The following EFCAB7 variants were observed in gnomAD, a reference collection of about 807,000 sequenced individuals.
The protein encoded by EFCAB7 is EF-hand calcium binding domain 7, also known as EF-hand calcium-binding domain-containing protein 7.
In EFCAB7, 66 loss-of-function variants were observed where a neutral mutation model predicts 77.1. The observed-to-expected ratio is 0.86, with a 90% CI of 0.70 to 1.05. EFCAB7 has a LOEUF of 1.05. Among genes scored for constraint, EFCAB7 ranks in the 50% least tolerant of loss-of-function variants. The pLI, the probability that EFCAB7 is intolerant of heterozygous loss-of-function variation, is 0.00. For missense variants in EFCAB7, 638 were observed against 730.5 expected (o/e 0.87, Z 1.46); for synonymous variants, 225 against 243.3 (o/e 0.92, Z 0.70).
rs869302346 is a variant in EFCAB7, at chr1:63,562,449, TTATATATATATATATATATATATA to T, written c.1497+615_1497+638del. 6.3e-3 allele frequency among the ~76,000 whole-genome samples: 141 copies of T among 22,488 alleles called. 5 individuals are homozygous for T. The highest frequency in any genetic ancestry group is 0.022 in the Admixed American group (29 of 1,332). The allele number at this position is 22,488 out of a possible 152,430, so 14.8% of individuals were successfully genotyped here. On this transcript the variant is annotated intron_variant, in intron 11 of 13. Coordinates refer to ENST00000371088, the MANE Select transcript of EFCAB7 (RefSeq NM_032437.4). The stretch of plus-strand genomic sequence containing the variant: ...TAAAAATTAGGCCTTCTTAATTTAT[TTATATATATATATATATATATATA>T]TATATATATATATATATATATAAAA...
At chr1:63,581,046 C>T in the EFCAB7 span, among the ~76,000 whole-genome samples, 1 of 151,950 alleles carries the variant, frequency 6.6e-6, no homozygotes, top group African/African-American at 2.4e-5. Flanking sequence ...CTTTCCTATC[C>T]ATATGCCTTT....
chr1:63,576,554 T>G (rs1647423533), downstream of EFCAB7, among the ~76,000 whole-genome samples: 1 of 150,896 alleles, frequency 6.6e-6, no homozygotes, highest in Non-Finnish European at 1.5e-5. Context: ...GTGCAGTGGC[T>G]CACGCCTGTA....
At chr1:63,524,239 C>A (rs563173944) in intron 1 of EFCAB7, among the ~76,000 whole-genome samples, 2 of 152,240 alleles carry the variant, frequency 1.3e-5, no homozygotes, top group East Asian at 3.9e-4. Context: ...TCCCTTACTT[C>A]TTGAAACAGT....
At position 63,561,687 on chromosome 1, in the gene EFCAB7, A is replaced by C. The variant is rs74972779; in HGVS notation, c.1349-22A>C. On this transcript the variant is annotated intron_variant, in intron 10 of 13. Transcript: ENST00000371088. Reference sequence around the variant, plus strand: ...ATGAATTTTTAAATTATGTAAGAAAAAACTTTTGGTTGTTTAAACAGAGAA... The same window carrying C: ...ATGAATTTTTAAATTATGTAAGAAACAACTTTTGGTTGTTTAAACAGAGAA... 6,131 of 1,527,542 alleles carry C rather than the reference A, an allele frequency of 4.0e-3. 217 individuals are homozygous for C. The African/African-American group carries it at 0.075, about 19-fold the overall frequency. The allele number at this position is 1,527,542 out of a possible 1,614,324, so 94.6% of individuals were successfully genotyped here.
intron 7 of EFCAB7, chr1:63,547,135 CT>C (rs1389200270): frequency 6.6e-6 from 1 of 152,080 alleles, no homozygotes; most frequent in Admixed American, 6.6e-5. Flanking sequence ...GCAGATGATA[CT>C]TTTAAATGAC....
At chr1:63,553,296 G>C (rs1225942779) in intron 8 of EFCAB7, among the ~76,000 whole-genome samples, 1 of 152,078 alleles carries the variant, frequency 6.6e-6, no homozygotes, top group Non-Finnish European at 1.5e-5. Context: ...AATTTCAAAG[G>C]TTATGCTTTT....
At chr1:63,545,134 G>T (rs1000701355) in intron 6 of EFCAB7, among the ~76,000 whole-genome samples, 1 of 151,408 alleles carries the variant, frequency 6.6e-6, no homozygotes, top group Non-Finnish European at 1.5e-5. Flanking sequence ...GGCCAGCCTG[G>T]TCTTGAACTC....
downstream of EFCAB7, among the ~76,000 whole-genome samples, chr1:63,572,886 G>A (rs904933521): frequency 3.9e-5 from 6 of 152,088 alleles, no homozygotes; most frequent in South Asian, 2.1e-4. Context: ...GTTCTCTGGC[G>A]GGCAGGGGCG....
At position 63,572,635 on chromosome 1, in the gene EFCAB7, C is replaced by T. The variant is rs1444747105; in HGVS notation, c.*119C>T. ...AATAATAATCTATTCAATTTATATGCATTTTCATTTTATGTCCATGGTATG... is the reference window on the plus strand; with the variant it reads ...AATAATAATCTATTCAATTTATATGTATTTTCATTTTATGTCCATGGTATG... On this transcript the variant is annotated 3_prime_UTR_variant, in exon 14 of 14. Transcript: ENST00000371088. 20 of 1,116,216 alleles carry T rather than the reference C, an allele frequency of 1.8e-5. No individual in the cohort carries two copies. The highest frequency in any genetic ancestry group is 2.3e-5 in the Non-Finnish European group (20 of 859,514). The allele number at this position is 1,116,216 out of a possible 1,614,324, so 69.1% of individuals were successfully genotyped here. A position where few individuals can be genotyped will look rare whatever the true frequency, so the allele number is the denominator to read the frequency against.
intron 11 of EFCAB7, among the ~76,000 whole-genome samples, chr1:63,564,279 A>C (rs74078271): frequency 0.017 from 2,529 of 152,274 alleles, 82 homozygotes; most frequent in African/African-American, 0.058. Flanking sequence ...TAGTAGGATA[A>C]AGAAAATAAG....
At chr1:63,562,445 TTATTTATA>T (rs1427696569) in intron 11 of EFCAB7, among the ~76,000 whole-genome samples, 2,118 of 70,178 alleles carry the variant, frequency 0.03, 24 homozygotes, top group East Asian at 0.056. Context: ...CCTTCTTAAT[TTATTTATA>T]TATATATATA....
chr1:63,584,276 C>T, the EFCAB7 span, among the ~76,000 whole-genome samples: 2 of 152,116 alleles, frequency 1.3e-5, no homozygotes, highest in African/African-American at 4.8e-5. Flanking sequence ...TACAGTGTAG[C>T]CGGGTGTGGT....
chr1:63,567,439 G>A (rs1479473899), intron 11 of EFCAB7, among the ~76,000 whole-genome samples: 1 of 151,332 alleles, frequency 6.6e-6, no homozygotes, highest in Non-Finnish European at 1.5e-5. Context: ...GGCGACAAGA[G>A]CAAAACTCCA....
At chr1:63,526,555 G>A (rs1336310762) in intron 2 of EFCAB7, among the ~76,000 whole-genome samples, 1 of 152,088 alleles carries the variant, frequency 6.6e-6, no homozygotes, top group Non-Finnish European at 1.5e-5. Flanking sequence ...GTATTTTGAG[G>A]AATACAAGAA....
the EFCAB7 span, among the ~76,000 whole-genome samples, chr1:63,584,957 G>A: frequency 6.6e-6 from 1 of 152,192 alleles, no homozygotes; most frequent in African/African-American, 2.4e-5. Context: ...TAAAATGGAT[G>A]TTGGTCTGTA....
rs749320761 is a variant in EFCAB7 at position 63,568,468 on chromosome 1, C to T, written c.1656C>T (p.Ile552=). 18 of 1,593,204 alleles carry T rather than the reference C, an allele frequency of 1.1e-5. No homozygotes were observed. The highest frequency in any genetic ancestry group is 1.7e-4 in the Middle Eastern group (1 of 5,992). ...AKVMDGYENI[I]VHTYSCDTWI... is the part of the protein sequence containing the mutation. ...TAATGGATGGCTATGAAAATATAAT[C>T]GTGCATACTTACAGTTGTGACACCT... The change falls in exon 12 of 14, where the codon ATC becomes ATT. Residue 552 remains isoleucine (I), a synonymous_variant. Transcript: ENST00000371088.
At chr1:63,572,340 G>A (rs1277968540) in intron 13 of EFCAB7, 102 bp from the exon 14 acceptor site, 2 of 874,270 alleles carry the variant, frequency 2.3e-6, no homozygotes, top group South Asian at 1.6e-5. Context: ...ATCTGTACAG[G>A]GATATTCTTA....
At chr1:63,557,750 A>C (rs1008874714) in intron 10 of EFCAB7, among the ~76,000 whole-genome samples, 1 of 152,252 alleles carries the variant, frequency 6.6e-6, no homozygotes, top group Non-Finnish European at 1.5e-5. Context: ...AAGATGGACA[A>C]AGAAAATCAC....
intron 6 of EFCAB7, among the ~76,000 whole-genome samples, chr1:63,541,391 T>C (rs1018642250): frequency 1.1e-4 from 16 of 152,170 alleles, no homozygotes; most frequent in Non-Finnish European, 4.4e-5. Context: ...CACATGTCAA[T>C]AGCTTTAAAA....
Sources: allele counts gnomAD v4.1 joint callset (sites outside exome capture counted in the v4.1 genomes callset), GRCh38; gene constraint gnomAD v4.1.1; transcripts MANE v1.5; gene names NCBI Gene and HGNC (gene_info 2026-07-23, HGNC 2026-07-21).